FAM193A: variants seen among roughly 807,000 people sequenced by gnomAD.
FAM193A encodes the protein family with sequence similarity 193 member A.
In FAM193A, 22 loss-of-function variants were observed where a neutral mutation model predicts 126.5. The observed-to-expected ratio is 0.17, with a 90% CI of 0.12 to 0.25. FAM193A has a LOEUF of 0.25. FAM193A is among the 10% of genes least tolerant of loss of function. The probability of loss-of-function intolerance (pLI) is 1.00; values close to 1 mark genes in which losing one functional copy is unlikely to be tolerated. For synonymous variants in FAM193A, 761 were observed against 646.8 expected (o/e 1.18, Z -2.68); for missense variants, 1,675 against 1,672.8 (o/e 1.00, Z -0.02).
chr4:2,672,039 C>G (rs1212410052), intron 12 of FAM193A, 82 bp from the exon 13 acceptor site: 3 of 1,481,244 alleles, frequency 2.0e-6, no homozygotes, highest in Non-Finnish European at 2.8e-6. Flanking sequence ...TGCTTTGTAA[C>G]TACTTGGCAG....
chr4:2,692,031 T>C (rs1716444445), intron 15 of FAM193A, among the ~76,000 whole-genome samples: 1 of 152,160 alleles, frequency 6.6e-6, no homozygotes, highest in Non-Finnish European at 1.5e-5. Flanking sequence ...ATGGAGTATT[T>C]CTACTGTTCA....
At chr4:2,630,081 G>A (rs1007832473) in intron 4 of FAM193A, among the ~76,000 whole-genome samples, 4 of 148,448 alleles carry the variant, frequency 2.7e-5, no homozygotes, top group Admixed American at 6.7e-5. Flanking sequence ...GCAGTGAGCC[G>A]AGATCACACC....
chr4:2,639,408 A>G (rs1347326940), intron 5 of FAM193A, among the ~76,000 whole-genome samples: 2 of 152,168 alleles, frequency 1.3e-5, no homozygotes, highest in Non-Finnish European at 2.9e-5. Context: ...TTAAAAGTAT[A>G]ATTGTGAGAA....
intron 13 of FAM193A, among the ~76,000 whole-genome samples, chr4:2,678,641 G>T (rs567833904): frequency 4.9e-4 from 74 of 152,306 alleles, no homozygotes; most frequent in Admixed American, 4.1e-3. Flanking sequence ...GGGATTACAG[G>T]CATGAGCCAC....
At chr4:2,541,874 A>G (rs1737254758) in intron 1 of FAM193A, among the ~76,000 whole-genome samples, 2 of 151,946 alleles carry the variant, frequency 1.3e-5, no homozygotes, top group Admixed American at 1.3e-4. Context: ...TCTGTCGCCC[A>G]GGCTGGAGTG....
At chr4:2,565,276 T>TTAA (rs71178481) in intron 1 of FAM193A, among the ~76,000 whole-genome samples, 8 of 47,910 alleles carry the variant, frequency 1.7e-4, no homozygotes, top group East Asian at 9.0e-4. Flanking sequence ...TTTTTTTTTT[T>TTAA]AAAAGATGCA....
At chr4:2,553,928 C>T (rs1400685494) in intron 1 of FAM193A, among the ~76,000 whole-genome samples, 2 of 152,166 alleles carry the variant, frequency 1.3e-5, no homozygotes, top group African/African-American at 4.8e-5. Flanking sequence ...TAAGACCTGA[C>T]TTGTTCCTCT....
chr4:2,673,882 T>C (rs1310766894), intron 13 of FAM193A, among the ~76,000 whole-genome samples: 1 of 152,216 alleles, frequency 6.6e-6, no homozygotes, highest in Non-Finnish European at 1.5e-5. Context: ...CTTTTGGCCT[T>C]TTCTTAGGAA....
chr4:2,545,943 T>C (rs1056299671), intron 1 of FAM193A, among the ~76,000 whole-genome samples: 2 of 151,990 alleles, frequency 1.3e-5, no homozygotes, highest in South Asian at 4.1e-4. Context: ...AGGTCAGGAG[T>C]TTGAGACCAG....
chr4:2,661,067 TG>T (rs144032045), intron 10 of FAM193A, among the ~76,000 whole-genome samples: 30,100 of 152,154 alleles, frequency 0.2, 3,497 homozygotes, highest in Middle Eastern at 0.3. Context: ...ATTTCATCCC[TG>T]TTCATTTGTC....
chr4:2,625,065 C>T (rs2108975712), intron 2 of FAM193A, among the ~76,000 whole-genome samples, 197 bp from the exon 3 acceptor site: 1 of 152,244 alleles, frequency 6.6e-6, no homozygotes, highest in Admixed American at 6.5e-5. Context: ...CACCATGTTG[C>T]CCAGCGATCC....
chr4:2,564,673 T>C (rs1452465956), intron 1 of FAM193A, among the ~76,000 whole-genome samples: 1 of 152,164 alleles, frequency 6.6e-6, no homozygotes, highest in Non-Finnish European at 1.5e-5. Context: ...AAGAAATATA[T>C]TATTTTGTCA....
In FAM193A at chr4:2,543,439, A is replaced by G. The variant is rs1283721526; in HGVS notation, c.255+6269A>G. Among the ~76,000 whole-genome samples the G allele has an allele frequency of 2.6e-5, 4 of 152,096 alleles. No individual in the cohort carries two copies. The East Asian group carries it at 5.8e-4, about 22-fold the overall frequency. On this transcript the variant is annotated intron_variant, in intron 1 of 20. Transcript: ENST00000637812. ...ACCACAGGCTTGGTAGCTCATACCT[A>G]TAATCCCAGCATTTAGGGAGGCCAG...
At chr4:2,546,118 A>G (rs896296794) in intron 1 of FAM193A, among the ~76,000 whole-genome samples, 6 of 151,898 alleles carry the variant, frequency 4.0e-5, no homozygotes, top group Non-Finnish European at 7.4e-5. Flanking sequence ...ACTGCACTCC[A>G]GCCTGGGGGA....
At chr4:2,561,224 A>C (rs1738593816) in intron 1 of FAM193A, among the ~76,000 whole-genome samples, 1 of 152,214 alleles carries the variant, frequency 6.6e-6, no homozygotes, top group Non-Finnish European at 1.5e-5. Context: ...TCTGTTGCCC[A>C]GGCTGGAGTG....
At chr4:2,560,345 G>C (rs887826133) in intron 1 of FAM193A, among the ~76,000 whole-genome samples, 2 of 152,100 alleles carry the variant, frequency 1.3e-5, no homozygotes, top group African/African-American at 4.8e-5. Flanking sequence ...TTTCTTCACC[G>C]TCCGAGGCCA....
chr4:2,658,651 C>T (rs1391127382), intron 8 of FAM193A, among the ~76,000 whole-genome samples: 1 of 152,198 alleles, frequency 6.6e-6, no homozygotes, highest in African/African-American at 2.4e-5. Context: ...CATTTGCATG[C>T]CCGTGGTCTC....
chr4:2,582,622 T>G (rs1400562323), intron 1 of FAM193A, among the ~76,000 whole-genome samples: 2 of 152,216 alleles, frequency 1.3e-5, no homozygotes, highest in Admixed American at 6.5e-5. Flanking sequence ...TCTCTGTGCT[T>G]CTTGGATCTG....
intron 5 of FAM193A, among the ~76,000 whole-genome samples, chr4:2,635,521 A>G (rs1183081155): frequency 6.6e-6 from 1 of 152,236 alleles, no homozygotes; most frequent in Non-Finnish European, 1.5e-5. Context: ...TAGATAATGT[A>G]ACATAAATTA....
Sources: allele counts gnomAD v4.1 joint callset (sites outside exome capture counted in the v4.1 genomes callset), GRCh38; gene constraint gnomAD v4.1.1; transcripts MANE v1.5; gene names NCBI Gene and HGNC (gene_info 2026-07-23, HGNC 2026-07-21).